The following SH3PXD2B variants were observed in gnomAD, a reference collection of about 807,000 sequenced individuals.
SH3PXD2B encodes SH3 and PX domains 2B.
SH3PXD2B carries 37 observed loss-of-function variants against 73.1 expected under a neutral mutation model. That is an observed-to-expected ratio of 0.51 (90% CI 0.39 to 0.67). The LOEUF (loss-of-function observed/expected upper bound fraction) is 0.67. SH3PXD2B is among the 30% of genes least tolerant of loss of function. The pLI, the probability that SH3PXD2B is intolerant of heterozygous loss-of-function variation, is 0.00. For synonymous variants in SH3PXD2B, 457 were observed against 480.5 expected (o/e 0.95, Z 0.64); for missense variants, 1,053 against 1,197.8 (o/e 0.88, Z 1.78).
intron 1 of SH3PXD2B, among the ~76,000 whole-genome samples, chr5:172,444,978 T>C (rs1296879769): frequency 6.6e-6 from 1 of 152,186 alleles, no homozygotes; most frequent in Admixed American, 6.5e-5. Context: ...TTCATCTCCA[T>C]TATTCAAACC....
At chr5:172,345,811 G>A (rs1269250936) in intron 12 of SH3PXD2B, among the ~76,000 whole-genome samples, 1 of 152,168 alleles carries the variant, frequency 6.6e-6, no homozygotes, top group Non-Finnish European at 1.5e-5. Context: ...TCTAAAACAG[G>A]CACATCTATG....
chr5:172,448,686 T>A lies in SH3PXD2B; in HGVS notation c.75+5592A>T, dbSNP rs536022430. On this transcript the variant is annotated intron_variant, in intron 1 of 12. Transcript: ENST00000311601. Reference sequence around the variant, plus strand: ...CTGGAGCACAGATTCCGTGCATACATCACCAAAAGCCTGCACAATCGTCCC... The same window carrying A: ...CTGGAGCACAGATTCCGTGCATACAACACCAAAAGCCTGCACAATCGTCCC... Among the ~76,000 whole-genome samples the A allele has an allele frequency of 1.3e-4, 20 of 152,338 alleles. No homozygotes were observed. In the South Asian group the frequency reaches 3.3e-3, roughly 25 times the overall value.
In SH3PXD2B at chr5:172,333,540, TAAA is replaced by T. The variant is rs35951290; in HGVS notation, c.*4826_*4828del. The T allele has an allele frequency of 3.9e-3, 4,049 of 1,035,442 alleles. 35 individuals are homozygous for T. Among genetic ancestry groups the T allele is most frequent in the African/African-American group, 0.022 (1,275 of 57,418 alleles). The allele number at this position is 1,035,442 out of a possible 1,614,324, so 64.1% of individuals were successfully genotyped here. A position where few individuals can be genotyped will look rare whatever the true frequency, so the allele number is the denominator to read the frequency against. The stretch of plus-strand genomic sequence containing the variant: ...AAACCAGTCAAGCACTTTTTTTATT[TAAA>T]AAAAAAAAAAGGAAAGAAGTCAAAT... On this transcript the variant is annotated 3_prime_UTR_variant, in exon 13 of 13. Transcript: ENST00000311601.
At chr5:172,390,362 G>C (rs181911496) in intron 4 of SH3PXD2B, among the ~76,000 whole-genome samples, 2 of 152,342 alleles carry the variant, frequency 1.3e-5, no homozygotes, top group East Asian at 3.9e-4. Flanking sequence ...CATCCAGCTT[G>C]TAGCATTTAC....
Position 172,346,121 on chromosome 5 carries a change from A to G in SH3PXD2B, c.1188+15T>C. ...AGGAATCACAAGTAGGCAAAGGAAC[A>G]CCAGGGCCACTCACCTCGACCTTCA... is the stretch of plus-strand genomic sequence containing the variant. On this transcript the variant is annotated intron_variant, in intron 12 of 12. Coordinates refer to ENST00000311601, the MANE Select transcript of SH3PXD2B (RefSeq NM_001017995.3). 2 of 1,613,978 alleles carry G rather than the reference A, an allele frequency of 1.2e-6. No individual in the cohort carries two copies. Among genetic ancestry groups the G allele is most frequent in the Non-Finnish European group, 1.7e-6 (2 of 1,179,956 alleles).
At chr5:172,389,009 TAA>T in intron 4 of SH3PXD2B, among the ~76,000 whole-genome samples, 1 of 152,080 alleles carries the variant, frequency 6.6e-6, no homozygotes, top group Admixed American at 6.5e-5. Context: ...TATCTGGCTC[TAA>T]GAAACACACA....
intron 2 of SH3PXD2B, among the ~76,000 whole-genome samples, chr5:172,413,499 A>T (rs10053155): frequency 7.9e-5 from 12 of 152,284 alleles, no homozygotes; most frequent in Non-Finnish European, 1.3e-4. Flanking sequence ...GTACACGGTA[A>T]GCACCTGTTA....
chr5:172,344,117 T>C (rs1033015264), intron 12 of SH3PXD2B, among the ~76,000 whole-genome samples: 22 of 150,376 alleles, frequency 1.5e-4, no homozygotes, highest in Admixed American at 9.2e-4. Flanking sequence ...TCATCATCAT[T>C]ATCATAACAC....
At chr5:172,405,151 G>C (rs566665084) in intron 3 of SH3PXD2B, among the ~76,000 whole-genome samples, 1 of 152,376 alleles carries the variant, frequency 6.6e-6, no homozygotes, top group East Asian at 1.9e-4. Context: ...TGGAGGGATG[G>C]AGACTGACTG....
chr5:172,391,525 C>T (rs9885092), intron 4 of SH3PXD2B, among the ~76,000 whole-genome samples: 3,433 of 152,258 alleles, frequency 0.023, 135 homozygotes, highest in African/African-American at 0.078. Flanking sequence ...TGCAGTGGCA[C>T]GATCTTGGCT....
chr5:172,331,900 T>C (rs889155459), downstream of SH3PXD2B, among the ~76,000 whole-genome samples: 1 of 152,062 alleles, frequency 6.6e-6, no homozygotes, highest in East Asian at 1.9e-4. Flanking sequence ...GAGCCAAGAT[T>C]GCGCCATTGC....
intron 5 of SH3PXD2B, among the ~76,000 whole-genome samples, chr5:172,379,865 C>T (rs1379652334): frequency 6.6e-6 from 1 of 152,190 alleles, no homozygotes; most frequent in Admixed American, 6.5e-5. Context: ...TACTAGATTC[C>T]AAACTCAGGC....
intron 3 of SH3PXD2B, among the ~76,000 whole-genome samples, chr5:172,401,663 C>T (rs545902784): frequency 2.6e-4 from 39 of 152,166 alleles, no homozygotes; most frequent in Non-Finnish European, 5.0e-4. Flanking sequence ...GGCAGAAGAA[C>T]ATAAATTGTG....
At chr5:172,412,894 T>C (rs752503283) in intron 2 of SH3PXD2B, among the ~76,000 whole-genome samples, 2 of 151,440 alleles carry the variant, frequency 1.3e-5, no homozygotes, top group African/African-American at 4.9e-5. Context: ...ATTTGGGGAG[T>C]AGGAAGGGAG....
In SH3PXD2B at chr5:172,432,499, G is replaced by A. The variant is rs571663279; in HGVS notation, c.76-10003C>T. Among the ~76,000 whole-genome samples the A allele has an allele frequency of 3.9e-5, 6 of 152,284 alleles. No homozygotes were observed. The East Asian group carries it at 7.7e-4, about 20-fold the overall frequency. On this transcript the variant is annotated intron_variant, in intron 1 of 12. Coordinates refer to ENST00000311601, the MANE Select transcript of SH3PXD2B (RefSeq NM_001017995.3). ...GCTGGGAACGTGCACGTTGGGTGACGCAAATTTTTCACCGCTCTGCACGTG... is the reference window on the plus strand; with the variant it reads ...GCTGGGAACGTGCACGTTGGGTGACACAAATTTTTCACCGCTCTGCACGTG...
chr5:172,359,641 C>T lies in SH3PXD2B; in HGVS notation c.563-764G>A, dbSNP rs369060309. Among the ~76,000 whole-genome samples, 11 of 152,244 alleles carry T rather than the reference C, an allele frequency of 7.2e-5. No individual in the cohort carries two copies. In the South Asian group the frequency reaches 2.1e-3, roughly 29 times the overall value. On this transcript the variant is annotated intron_variant, in intron 7 of 12. Transcript: ENST00000311601. ...TAGCATCTGCTTCAGAGGCCTCTCA[C>T]CCCGGCTCAGACATTCCCCAATGAG...
chr5:172,449,833 C>T (rs1759753508), intron 1 of SH3PXD2B, among the ~76,000 whole-genome samples: 1 of 152,312 alleles, frequency 6.6e-6, no homozygotes, highest in East Asian at 1.9e-4. Context: ...GTAAGAAAGT[C>T]AACTGCTGGA....
intron 6 of SH3PXD2B, among the ~76,000 whole-genome samples, chr5:172,363,574 G>A (rs997875841): frequency 6.6e-6 from 1 of 152,218 alleles, no homozygotes; most frequent in South Asian, 2.1e-4. Context: ...GGGGTGGCTG[G>A]CAAGACCTCC....
intron 4 of SH3PXD2B, 47 bp from the exon 5 acceptor site, chr5:172,382,174 A>G: frequency 6.8e-7 from 1 of 1,474,470 alleles, no homozygotes; most frequent in Non-Finnish European, 9.3e-7. Context: ...GAGGGGGCTG[A>G]GCATGGTGGC....
Sources: allele counts gnomAD v4.1 joint callset (sites outside exome capture counted in the v4.1 genomes callset), GRCh38; gene constraint gnomAD v4.1.1; transcripts MANE v1.5; gene names NCBI Gene and HGNC (gene_info 2026-07-23, HGNC 2026-07-21).